The following HLA-DPA1 variants were observed in gnomAD, a reference collection of about 807,000 sequenced individuals.
The protein encoded by HLA-DPA1 is major histocompatibility complex, class II, DP alpha 1.
HLA-DPA1 carries 20 observed loss-of-function variants against 21.5 expected under a neutral mutation model. The ratio of observed to expected loss-of-function variants is 0.93; its 90% CI spans 0.66 to 1.35. The LOEUF is 1.35. Among genes scored for constraint, HLA-DPA1 ranks in the 40% most tolerant of loss-of-function variants. The pLI, the probability that HLA-DPA1 is intolerant of heterozygous loss-of-function variation, is 0.00. For synonymous variants in HLA-DPA1, 123 were observed against 129.6 expected (o/e 0.95, Z 0.35); for missense variants, 279 against 323.0 (o/e 0.86, Z 1.05).
chr6:33,064,572 G>A (rs976248605), exon 6 of HLA-DPA1: 6 of 151,884 alleles, frequency 4.0e-5, no homozygotes, highest in African/African-American at 1.5e-4. Context: ...CAATGAATTA[G>A]GGCATTTTAA....
chr6:33,070,990 G>A lies in HLA-DPA1; in HGVS notation c.101-1104C>T, dbSNP rs138375834. Among the ~76,000 whole-genome samples, 543 of 152,266 alleles carry A rather than the reference G, an allele frequency of 3.6e-3. 3 individuals carry two copies. The highest frequency in any genetic ancestry group is 0.026 in the East Asian group (133 of 5,184). ...AGCAACTATTATCATGAAAGAAAAC[G>A]ATGAATGTGTATGTGAAAGTCTGGG... On this transcript the variant is annotated intron_variant, in intron 2 of 5. Coordinates refer to ENST00000419277, the Ensembl canonical transcript of HLA-DPA1.
At chr6:33,068,893 A>T in intron 4 of HLA-DPA1, 89 bp from the exon 4 acceptor site, 2 of 1,542,910 alleles carry the variant, frequency 1.3e-6, no homozygotes, top group Non-Finnish European at 1.8e-6. Flanking sequence ...GTTATGGACC[A>T]GTTAATTGGA....
intron 2 of HLA-DPA1, among the ~76,000 whole-genome samples, chr6:33,072,567 C>A (rs1583098474): frequency 6.6e-6 from 1 of 152,150 alleles, no homozygotes; most frequent in Non-Finnish European, 1.5e-5. Context: ...GCAATAGATA[C>A]TTCTGGTTCT....
rs142490787 is a variant in HLA-DPA1 at position 33,070,916 on chromosome 6, T to G, written c.101-1030A>C. 3.6e-3 allele frequency among the ~76,000 whole-genome samples: 541 copies of G among 152,334 alleles called. 3 individuals are homozygous for G. The highest frequency in any genetic ancestry group is 0.026 in the East Asian group (133 of 5,184). On this transcript the variant is annotated intron_variant, in intron 2 of 5. Coordinates refer to ENST00000419277, the Ensembl canonical transcript of HLA-DPA1. Reference sequence around the variant, plus strand: ...ACCTGTAGGATTTAATTTATTTTGTTTCTTAGTCTTTATTAGTTTGTAAGA... The same window carrying G: ...ACCTGTAGGATTTAATTTATTTTGTGTCTTAGTCTTTATTAGTTTGTAAGA...
chr6:33,068,915 G>A (rs1207396939), intron 4 of HLA-DPA1, 104 bp downstream of exon 3: 3 of 1,537,100 alleles, frequency 2.0e-6, no homozygotes, highest in Non-Finnish European at 2.7e-6. Context: ...GTTAGGACGA[G>A]GAGAGGACTG....
At chr6:33,069,991 G>A (rs67984906) in intron 2 of HLA-DPA1, 105 bp from the exon 2 acceptor site, 193,025 of 1,065,328 alleles carry the variant, frequency 0.18, 26,121 homozygotes, top group East Asian at 0.61. Context: ...AAAGGAAGAA[G>A]GTAAGAGGTC....
intron 1 of HLA-DPA1, among the ~76,000 whole-genome samples, chr6:33,078,551 A>C (rs1000127410): frequency 6.6e-6 from 1 of 152,190 alleles, no homozygotes; most frequent in African/African-American, 2.4e-5. Flanking sequence ...ATTCATTCAG[A>C]TCAGTGGTTT....
At chr6:33,072,861 A>G (rs1425027435) in intron 2 of HLA-DPA1, among the ~76,000 whole-genome samples, 3 of 152,156 alleles carry the variant, frequency 2.0e-5, no homozygotes, top group South Asian at 4.1e-4. Flanking sequence ...AGACCATGCA[A>G]CCCTGCTGTC....
chr6:33,069,898 C>A lies in HLA-DPA1; in HGVS notation c.101-12G>T, dbSNP rs10214910. On this transcript the variant is annotated splice_polypyrimidine_tract_variant and intron_variant, in intron 2 of 5. Transcript: ENST00000419277. Reference sequence around the variant, plus strand: ...TGACACATGGTCCGCTGCATAAAGACAGTAGAGAAAAACACGACAAAATGT... The same window carrying A: ...TGACACATGGTCCGCTGCATAAAGAAAGTAGAGAAAAACACGACAAAATGT... The A allele has an allele frequency of 0.21, 322,497 of 1,557,554 alleles. 49,872 individuals carry two copies. The highest frequency in any genetic ancestry group is 0.64 in the East Asian group (27,541 of 43,198).
In HLA-DPA1 at chr6:33,069,186, C is replaced by T. The variant is rs1016021044; in HGVS notation, c.461G>A (p.Cys154Tyr). The T allele has an allele frequency of 2.5e-6, 4 of 1,612,872 alleles. No individual in the cohort carries two copies. In the African/African-American group the frequency reaches 4.0e-5, roughly 16 times the overall value. Residue 154 changes from cysteine (C) to tyrosine (Y), a missense_variant, in exon 4 of 6, where the codon TGC becomes TAC. Transcript: ENST00000419277. Reference sequence around the variant, plus strand: ...ACCCTCAGTGACCAGCTCCCCGTTGCACAGCCACGTGACGTTGAGCACTGG... The same window carrying T: ...ACCCTCAGTGACCAGCTCCCCGTTGTACAGCCACGTGACGTTGAGCACTGG...
chr6:33,073,565 G>A (rs148297383), exon 2 of HLA-DPA1: 41 of 1,611,590 alleles, frequency 2.5e-5, no homozygotes, highest in Non-Finnish European at 3.4e-5. Flanking sequence ...TGTCTTCAGG[G>A]CGCATGTTGT....
exon 4 of HLA-DPA1, chr6:33,069,035 C>T (rs370530697): frequency 3.3e-5 from 53 of 1,612,812 alleles, no homozygotes; most frequent in Non-Finnish European, 3.7e-5. Context: ...GCTTGAGGAG[C>T]GGCTGGTCCA....
At chr6:33,071,637 C>T (rs1169884042) in intron 2 of HLA-DPA1, among the ~76,000 whole-genome samples, 2 of 152,086 alleles carry the variant, frequency 1.3e-5, no homozygotes, top group Non-Finnish European at 2.9e-5. Context: ...TCTGCAGACG[C>T]GTATAAGTCA....
chr6:33,070,881 A>G lies in HLA-DPA1; in HGVS notation c.101-995T>C, dbSNP rs151129054. Among the ~76,000 whole-genome samples the G allele has an allele frequency of 3.6e-3, 542 of 152,300 alleles. 3 individuals are homozygous for G. Among genetic ancestry groups the G allele is most frequent in the East Asian group, 0.026 (133 of 5,192 alleles). On this transcript the variant is annotated intron_variant, in intron 2 of 5. Transcript: ENST00000419277. ...AGAGGCCAACTAGAAATTATTGCTG[A>G]GTTTGGAACACCTGTAGGATTTAAT...
intron 2 of HLA-DPA1, among the ~76,000 whole-genome samples, chr6:33,072,190 G>A (rs1762313170): frequency 6.6e-6 from 1 of 152,204 alleles, no homozygotes; most frequent in African/African-American, 2.4e-5. Flanking sequence ...GAGGCACTGA[G>A]AAGAACCCAC....
rs1023597820 is a variant in HLA-DPA1, at chr6:33,080,490, C to G, written c.-100+190G>C. On this transcript the variant is annotated intron_variant, in intron 1 of 5. Transcript: ENST00000419277. This position sits in a 1 kb window ranked among gnomAD's most constrained non-coding sequence, Gnocchi z 4.3. ...ATTCTCTCTCTGCGTGGTGAGAAAA[C>G]AGGCCTGGAGAGGCTCTGCGACCCG... The G allele has an allele frequency of 1.5e-5, 12 of 820,858 alleles. No homozygotes were observed. Among genetic ancestry groups the G allele is most frequent in the South Asian group, 5.8e-5 (4 of 68,764 alleles). The allele number at this position is 820,858 out of a possible 1,614,324, so 50.8% of individuals were successfully genotyped here.
chr6:33,080,122 A>C lies in HLA-DPA1; in HGVS notation c.-100+558T>G, dbSNP rs1050400833. ...AGAAATATATTTCTACATCTCCTACATGCAAAACAACAGGAGCAAGTTGAG... is the reference window on the plus strand; with the variant it reads ...AGAAATATATTTCTACATCTCCTACCTGCAAAACAACAGGAGCAAGTTGAG... On this transcript the variant is annotated intron_variant, in intron 1 of 5. Transcript: ENST00000419277. The surrounding 1 kb of genome is among the most constrained non-coding windows in gnomAD (Gnocchi z 4.3). Among the ~76,000 whole-genome samples, 3 of 152,180 alleles carry C rather than the reference A, an allele frequency of 2.0e-5. No individual in the cohort carries two copies. Among genetic ancestry groups the C allele is most frequent in the Non-Finnish European group, 4.4e-5 (3 of 68,034 alleles).
chr6:33,077,539 A>G (rs1203022302), intron 1 of HLA-DPA1, among the ~76,000 whole-genome samples: 1 of 152,210 alleles, frequency 6.6e-6, no homozygotes, highest in Admixed American at 6.5e-5. Context: ...GGCGATCATT[A>G]AAAAGTCAGG....
intron 1 of HLA-DPA1, among the ~76,000 whole-genome samples, chr6:33,078,437 G>A (rs1305422032): frequency 6.6e-6 from 1 of 152,176 alleles, no homozygotes; most frequent in Non-Finnish European, 1.5e-5. Flanking sequence ...AAAGGGCTGA[G>A]GAGCCAGGCT....
Sources: gnomAD v4.1 joint callset for allele counts (sites outside exome capture counted in the v4.1 genomes callset) on GRCh38, gnomAD v4.1.1 for gene constraint, Gnocchi (gnomAD v3.1) non-coding constraint, MANE v1.5 for transcripts, NCBI Gene and HGNC (gene_info 2026-07-23, HGNC 2026-07-21) for gene names.